CNTN6: variants seen among roughly 807,000 people sequenced by gnomAD.
CNTN6 encodes the protein contactin 6, also known as contactin-6.
CNTN6 carries 137 observed loss-of-function variants against 122.8 expected under a neutral mutation model. The observed-to-expected ratio is 1.12, with a 90% confidence interval of 0.97 to 1.29. The LOEUF (loss-of-function observed/expected upper bound fraction) is 1.29, where lower values mean the gene tolerates loss of function less well. Ranked by LOEUF, CNTN6 falls within the 50% of genes most tolerant of loss-of-function variation. The pLI, the probability that CNTN6 is intolerant of heterozygous loss-of-function variation, is 0.00. For synonymous variants in CNTN6, 570 were observed against 426.0 expected, an observed-to-expected ratio of 1.34 and a Z score of -4.16; for missense variants, 1,634 against 1,223.4, an observed-to-expected ratio of 1.34 and a Z score of -5.01.
intron 19 of CNTN6, among the ~76,000 whole-genome samples, chr3:1,385,179 G>A (rs960926559): frequency 6.6e-6 from 1 of 151,684 alleles, no homozygotes; most frequent in Non-Finnish European, 1.5e-5. Flanking sequence ...TGCAAAGGTA[G>A]GGTTCAGTAT....
chr3:1,232,308 C>G (rs763002895), intron 4 of CNTN6, among the ~76,000 whole-genome samples: 2 of 152,050 alleles, frequency 1.3e-5, no homozygotes, highest in Non-Finnish European at 2.9e-5. Context: ...CCTAATTGAC[C>G]CTTCATTTAT....
chr3:1,158,342 T>C (rs1025698608), intron 2 of CNTN6, among the ~76,000 whole-genome samples: 4 of 152,214 alleles, frequency 2.6e-5, no homozygotes, highest in Admixed American at 6.5e-5. Flanking sequence ...TTTTGAGAAA[T>C]AGCTATTCAA....
chr3:1,146,364 A>G (rs1335483028), intron 1 of CNTN6, among the ~76,000 whole-genome samples: 3 of 152,026 alleles, frequency 2.0e-5, no homozygotes, highest in African/African-American at 7.2e-5. Context: ...ACCTGAGCCC[A>G]CTGTCTCTCT....
intron 2 of CNTN6, among the ~76,000 whole-genome samples, chr3:1,178,082 G>A (rs1365011181): frequency 6.6e-6 from 1 of 151,764 alleles, no homozygotes; most frequent in Admixed American, 6.6e-5. Context: ...TGTATTTTTA[G>A]TAGAGGCAGG....
At chr3:1,133,106 C>T (rs532413551) in intron 1 of CNTN6, among the ~76,000 whole-genome samples, 38 of 151,968 alleles carry the variant, frequency 2.5e-4, no homozygotes, top group Non-Finnish European at 2.9e-4. Context: ...AAAAAGGAGA[C>T]GTGCCGCAAA....
intron 12 of CNTN6, among the ~76,000 whole-genome samples, chr3:1,359,801 C>T (rs1420072691): frequency 6.6e-6 from 1 of 152,044 alleles, no homozygotes; most frequent in African/African-American, 2.4e-5. Context: ...CCCATCACAC[C>T]GATTTCCTTG....
intron 4 of CNTN6, among the ~76,000 whole-genome samples, chr3:1,269,670 A>G (rs2094989749): frequency 6.6e-6 from 1 of 152,160 alleles, no homozygotes; most frequent in Non-Finnish European, 1.5e-5. Flanking sequence ...CAATTACCTA[A>G]TTGATATTTC....
At chr3:1,103,957 C>T (rs530722961) in intron 1 of CNTN6, among the ~76,000 whole-genome samples, 1 of 151,834 alleles carries the variant, frequency 6.6e-6, no homozygotes, top group Non-Finnish European at 1.5e-5. Flanking sequence ...AATAATTTAA[C>T]GTACTAAATT....
At chr3:1,135,483 C>T (rs2092448594) in intron 1 of CNTN6, among the ~76,000 whole-genome samples, 2 of 152,118 alleles carry the variant, frequency 1.3e-5, no homozygotes, top group Non-Finnish European at 2.9e-5. Context: ...GATTATTTTC[C>T]CCTTTCCTTC....
At chr3:1,365,623 A>G (rs1404445771) in intron 12 of CNTN6, among the ~76,000 whole-genome samples, 3 of 152,084 alleles carry the variant, frequency 2.0e-5, no homozygotes, top group African/African-American at 7.2e-5. Flanking sequence ...AATATTCCAT[A>G]CTCTACCAAA....
At chr3:1,159,288 C>A (rs1056511841) in intron 2 of CNTN6, among the ~76,000 whole-genome samples, 1 of 151,794 alleles carries the variant, frequency 6.6e-6, no homozygotes, top group Non-Finnish European at 1.5e-5. Flanking sequence ...GATAACAGAG[C>A]CAGCTACTAA....
At chr3:1,093,364 G>C (rs1410587324) in intron 1 of CNTN6, among the ~76,000 whole-genome samples, 1 of 152,112 alleles carries the variant, frequency 6.6e-6, no homozygotes, top group African/African-American at 2.4e-5. Context: ...TCAAACCAGG[G>C]AAAGAAAGAC....
intron 2 of CNTN6, among the ~76,000 whole-genome samples, chr3:1,148,352 C>T (rs2092767287): frequency 6.6e-6 from 1 of 151,552 alleles, no homozygotes; most frequent in South Asian, 2.1e-4. Flanking sequence ...TATACTATGA[C>T]ATTTTAATAA....
At chr3:1,164,328 C>A (rs1005534250) in intron 2 of CNTN6, among the ~76,000 whole-genome samples, 6 of 152,254 alleles carry the variant, frequency 3.9e-5, no homozygotes, top group African/African-American at 1.4e-4. Context: ...GACTTGACCA[C>A]CTGCTCCAGT....
chr3:1,253,463 C>T (rs1176780710), intron 4 of CNTN6, among the ~76,000 whole-genome samples: 5 of 152,084 alleles, frequency 3.3e-5, no homozygotes, highest in Non-Finnish European at 7.4e-5. Context: ...GAGGAAAAGT[C>T]CTTGCAGGTA....
At chr3:1,401,294 A>G (rs1460380432) in intron 20 of CNTN6, 139 bp from the exon 21 acceptor site, 1 of 666,102 alleles carries the variant, frequency 1.5e-6, no homozygotes. Context: ...GAATTAATAT[A>G]TTTCAAATGA....
At chr3:1,343,609 A>G (rs1166644978) in intron 11 of CNTN6, among the ~76,000 whole-genome samples, 2 of 152,186 alleles carry the variant, frequency 1.3e-5, no homozygotes, top group South Asian at 2.1e-4. Context: ...AGAAAAATGC[A>G]TATTTATTAA....
At chr3:1,119,605 G>T (rs973727466) in intron 1 of CNTN6, among the ~76,000 whole-genome samples, 2 of 151,694 alleles carry the variant, frequency 1.3e-5, no homozygotes, top group Non-Finnish European at 2.9e-5. Context: ...CCACTTGTGC[G>T]TAAACAGAAC....
intron 4 of CNTN6, among the ~76,000 whole-genome samples, chr3:1,235,116 C>T (rs1226397434): frequency 6.6e-6 from 1 of 152,160 alleles, no homozygotes; most frequent in African/African-American, 2.4e-5. Context: ...CAGGCCTTCT[C>T]CCACTGCCTA....
Sources: allele counts gnomAD v4.1 joint callset (sites outside exome capture counted in the v4.1 genomes callset), GRCh38; gene constraint gnomAD v4.1.1; transcripts MANE v1.5; gene names NCBI Gene and HGNC (gene_info 2026-07-23, HGNC 2026-07-21).